The following ELF5 variants were observed in gnomAD, a reference collection of about 807,000 sequenced individuals.
The protein encoded by ELF5 is ETS-related transcription factor Elf-5.
A neutral mutation model predicts 38.2 loss-of-function variants in ELF5; 31 were observed. The observed-to-expected ratio is 0.81, with a 90% confidence interval of 0.61 to 1.10. The LOEUF (loss-of-function observed/expected upper bound fraction) is 1.10, where lower values mean the gene tolerates loss of function less well. Ranked by LOEUF, ELF5 falls within the 50% of genes least tolerant of loss-of-function variation. ELF5 has a pLI of 0.00. For missense variants in ELF5, 300 were observed against 306.6 expected (o/e 0.98, Z 0.16); for synonymous variants, 121 against 112.5 (o/e 1.08, Z -0.48).
intron 4 of ELF5, among the ~76,000 whole-genome samples, chr11:34,487,678 G>A (rs1850038326): frequency 6.6e-6 from 1 of 151,972 alleles, no homozygotes; most frequent in Non-Finnish European, 1.5e-5. Context: ...CCCTCCTTCT[G>A]CTGATGCTGC....
At position 34,490,019 on chromosome 11, in the gene ELF5, G is replaced by T. The variant is rs1454308695; in HGVS notation, c.396C>A (p.Thr132=). 6.2e-7 allele frequency: 1 copy of T among 1,614,114 alleles called. No individual in the cohort carries two copies. Among genetic ancestry groups the T allele is most frequent in the South Asian group, 1.1e-5 (1 of 91,078 alleles). ...FFNDAEESKA[T]IKDYADSNCL... ...CGCTTGGTTACTTACAGTCTTTGAT[G>T]GTGGCCTTGCTTTCTTCAGCGTCAT... Residue 132 remains threonine (T), a synonymous_variant, in exon 4 of 7, where the codon ACC becomes ACA. Transcript: ENST00000257832.
At chr11:34,485,734 A>G (rs1849975243) in intron 4 of ELF5, among the ~76,000 whole-genome samples, 1 of 152,140 alleles carries the variant, frequency 6.6e-6, no homozygotes, top group Admixed American at 6.5e-5. Flanking sequence ...TTGGTTGACT[A>G]GTCAAGGCCT....
At chr11:34,494,103 C>T (rs751171048) in intron 2 of ELF5, among the ~76,000 whole-genome samples, 1 of 152,202 alleles carries the variant, frequency 6.6e-6, no homozygotes, top group East Asian at 1.9e-4. Flanking sequence ...CTACCACTTT[C>T]CGCTTGGCAA....
chr11:34,498,737 C>T (rs1345961505), intron 2 of ELF5, among the ~76,000 whole-genome samples: 3 of 152,120 alleles, frequency 2.0e-5, no homozygotes, highest in Non-Finnish European at 2.9e-5. Flanking sequence ...CCATTAATCC[C>T]CCACTTCCTT....
chr11:34,485,184 G>C (rs1475785884), intron 4 of ELF5, among the ~76,000 whole-genome samples: 1 of 152,028 alleles, frequency 6.6e-6, no homozygotes, highest in Admixed American at 6.6e-5. Context: ...TGGAAGTCCA[G>C]AGAGCTTAAG....
chr11:34,510,911 C>A (rs1413977790), intron 1 of ELF5, among the ~76,000 whole-genome samples: 1 of 152,160 alleles, frequency 6.6e-6, no homozygotes, highest in Non-Finnish European at 1.5e-5. Context: ...GGTCTCTTGG[C>A]CTGCTGTTCT....
intron 2 of ELF5, among the ~76,000 whole-genome samples, chr11:34,503,160 AC>A (rs1850512894): frequency 6.7e-6 from 1 of 150,122 alleles, no homozygotes; most frequent in African/African-American, 2.4e-5. Context: ...CCAAACTGAA[AC>A]TAATCCTTTT....
intron 2 of ELF5, among the ~76,000 whole-genome samples, chr11:34,494,410 C>T (rs533559261): frequency 6.6e-6 from 1 of 152,312 alleles, no homozygotes; most frequent in East Asian, 1.9e-4. Context: ...GTCTGACAGT[C>T]CTTGCGTCAC....
rs545839234 is a variant in ELF5 at position 34,499,015 on chromosome 11, C to T, written c.122-5303G>A. On this transcript the variant is annotated intron_variant, in intron 2 of 6. Transcript: ENST00000257832. ...CTGAGGCAGGAGAATTGCTTGAACC[C>T]GGGAGGTGGAGGTTGCAGTGAGCCG... 1.9e-3 allele frequency among the ~76,000 whole-genome samples: 290 copies of T among 151,878 alleles called. 3 individuals carry two copies. The highest frequency in any genetic ancestry group is 4.6e-3 in the South Asian group (22 of 4,806).
intron 1 of ELF5, among the ~76,000 whole-genome samples, chr11:34,508,950 G>A (rs1371070223): frequency 6.6e-6 from 1 of 151,068 alleles, no homozygotes; most frequent in Non-Finnish European, 1.5e-5. Context: ...AGTACTAAGA[G>A]GGGCAGGATT....
chr11:34,493,433 C>A (rs1373678837), intron 3 of ELF5, 46 bp downstream of exon 3: 1 of 1,572,274 alleles, frequency 6.4e-7, no homozygotes. Flanking sequence ...TTGTTTGGTC[C>A]TAATCCTGGT....
chr11:34,496,453 C>G (rs79388381), intron 2 of ELF5, among the ~76,000 whole-genome samples: 20,505 of 152,194 alleles, frequency 0.13, 1,514 homozygotes, highest in Admixed American at 0.21. Context: ...AGACGAGGGA[C>G]GCCGCTGTCA....
intron 1 of ELF5, among the ~76,000 whole-genome samples, chr11:34,509,974 C>T (rs796304413): frequency 3.3e-5 from 5 of 152,240 alleles, no homozygotes; most frequent in African/African-American, 1.2e-4. Flanking sequence ...TCACTAATTG[C>T]TCTCAAAAGT....
intron 4 of ELF5, 54 bp downstream of exon 4, chr11:34,489,955 T>A: frequency 6.3e-7 from 1 of 1,593,696 alleles, no homozygotes; most frequent in Non-Finnish European, 8.6e-7. Flanking sequence ...GTCAAGCCCA[T>A]GTACCAATGA....
In ELF5 at chr11:34,480,757, A is replaced by C; in HGVS notation, c.671+15T>G. On this transcript the variant is annotated intron_variant, in intron 6 of 6. Coordinates refer to ENST00000257832, the MANE Select transcript of ELF5 (RefSeq NM_001422.4). ...TCTTCTTGAAGGCTCATAGTATTTT[A>C]TGCTATTAACTTACCTCAGGGCTCT... 1 of 1,612,202 alleles carries C rather than the reference A, an allele frequency of 6.2e-7. No homozygotes were observed. Among genetic ancestry groups the C allele is most frequent in the Non-Finnish European group, 8.5e-7 (1 of 1,179,178 alleles).
chr11:34,493,730 G>A lies in ELF5; in HGVS notation c.122-18C>T. ...GTCACAGGCTGCACCAAAGGAGAAA[G>A]AAGTGAGGGACAACAGTCCCAAGAC... On this transcript the variant is annotated intron_variant, in intron 2 of 6. Transcript: ENST00000257832. The A allele has an allele frequency of 6.2e-7, 1 of 1,609,082 alleles. No individual in the cohort carries two copies. The highest frequency in any genetic ancestry group is 8.5e-7 in the Non-Finnish European group (1 of 1,175,954).
intron 1 of ELF5, among the ~76,000 whole-genome samples, chr11:34,506,732 T>C (rs1015366529): frequency 2.0e-5 from 3 of 152,154 alleles, no homozygotes; most frequent in Non-Finnish European, 4.4e-5. Context: ...CAGGCTGGTC[T>C]CGAACTCCTG....
chr11:34,506,192 A>G (rs1590342285), intron 1 of ELF5, among the ~76,000 whole-genome samples: 1 of 152,348 alleles, frequency 6.6e-6, no homozygotes, highest in Middle Eastern at 3.4e-3. Context: ...GCAGTAACAC[A>G]GATGCAGCTG....
chr11:34,497,456 A>C (rs373101478), intron 2 of ELF5, among the ~76,000 whole-genome samples: 2 of 152,328 alleles, frequency 1.3e-5, no homozygotes, highest in South Asian at 4.1e-4. Context: ...ATTGGAAGGA[A>C]GAATTGAACT....
Sources: gnomAD v4.1 joint callset for allele counts (sites outside exome capture counted in the v4.1 genomes callset) on GRCh38, gnomAD v4.1.1 for gene constraint, MANE v1.5 for transcripts, NCBI Gene and HGNC (gene_info 2026-07-23, HGNC 2026-07-21) for gene names.